PTCHD4: variants seen among roughly 807,000 people sequenced by gnomAD.
PTCHD4 encodes the protein patched domain containing 4, also known as patched domain-containing protein 4.
Under a neutral mutation model 58.1 loss-of-function variants are expected in PTCHD4, and 33 were observed. The ratio of observed to expected loss-of-function variants is 0.57; its 90% CI spans 0.43 to 0.76. PTCHD4 has a LOEUF of 0.76. PTCHD4 is among the 30% of genes least tolerant of loss of function. The probability of loss-of-function intolerance (pLI) is 0.00; values close to 1 mark genes in which losing one functional copy is unlikely to be tolerated. For synonymous variants in PTCHD4, 478 were observed against 409.6 expected, an observed-to-expected ratio of 1.17 and a Z score of -2.02; for missense variants, 1,058 against 1,027.1, an observed-to-expected ratio of 1.03 and a Z score of -0.41.
At chr6:48,030,271 G>A (rs116443997) in intron 3 of PTCHD4, among the ~76,000 whole-genome samples, 2,493 of 152,024 alleles carry the variant, frequency 0.016, 60 homozygotes, top group African/African-American at 0.05. Context: ...TAGAAACAAG[G>A]GTGACTGTAG....
rs1763762951 is a variant in PTCHD4, at chr6:47,873,221, T to C, written c.*5082A>G. ...TGTATTTGCCTATGATCAAGTTTGC[T>C]AGCAGTTGAGAATCTATAGTTTTGC... On this transcript the variant is annotated 3_prime_UTR_variant, in exon 5 of 5. Coordinates refer to ENST00000339488, the MANE Select transcript of PTCHD4 (RefSeq NM_001384253.1). Among the ~76,000 whole-genome samples, 1 of 151,768 alleles carries C rather than the reference T, an allele frequency of 6.6e-6. No individual in the cohort carries two copies. The highest frequency in any genetic ancestry group is 1.5e-5 in the Non-Finnish European group (1 of 67,786).
chr6:48,047,993 T>C (rs1386680017), intron 3 of PTCHD4, among the ~76,000 whole-genome samples: 1 of 146,818 alleles, frequency 6.8e-6, no homozygotes, highest in Non-Finnish European at 1.5e-5. Context: ...TATTGTGTCC[T>C]TAAGATATAA....
At chr6:47,925,009 T>C (rs1389043411) in intron 4 of PTCHD4, among the ~76,000 whole-genome samples, 5 of 149,512 alleles carry the variant, frequency 3.3e-5, no homozygotes, top group Admixed American at 6.7e-5. Context: ...TTAATATATA[T>C]GTATATATGC....
At chr6:48,004,458 A>G (rs1404192333) in intron 4 of PTCHD4, among the ~76,000 whole-genome samples, 1 of 152,196 alleles carries the variant, frequency 6.6e-6, no homozygotes, top group Non-Finnish European at 1.5e-5. Flanking sequence ...ATATTAGCCC[A>G]TATTTCTTCT....
rs987248773 is a variant in PTCHD4 at position 48,007,236 on chromosome 6, TC to T, written c.898+1397del. ...GCCTGGAAGACAGAGCGAGACTCTGTCCCCCCAAAAAAAAGAAAAGAAAAAA... is the reference window on the plus strand; with the variant it reads ...GCCTGGAAGACAGAGCGAGACTCTGTCCCCCAAAAAAAAGAAAAGAAAAAA... On this transcript the variant is annotated intron_variant, in intron 4 of 4. Coordinates refer to ENST00000339488, the MANE Select transcript of PTCHD4 (RefSeq NM_001384253.1). Among the ~76,000 whole-genome samples, 11 of 149,798 alleles carry T rather than the reference TC, an allele frequency of 7.3e-5. No individual in the cohort carries two copies. The South Asian group carries it at 1.9e-3, about 26-fold the overall frequency.
chr6:48,061,093 G>A (rs1415429986), intron 3 of PTCHD4, among the ~76,000 whole-genome samples: 1 of 152,198 alleles, frequency 6.6e-6, no homozygotes, highest in Non-Finnish European at 1.5e-5. Flanking sequence ...ATACTCCCAT[G>A]TATGGTTCCC....
chr6:47,971,692 C>T (rs993748693), intron 4 of PTCHD4, among the ~76,000 whole-genome samples: 1 of 152,150 alleles, frequency 6.6e-6, no homozygotes, highest in Non-Finnish European at 1.5e-5. Context: ...TCCTATGCTT[C>T]CTTCCTCAGA....
chr6:47,939,882 G>T (rs190855159), intron 4 of PTCHD4, among the ~76,000 whole-genome samples: 21 of 152,078 alleles, frequency 1.4e-4, no homozygotes, highest in Admixed American at 2.6e-4. Context: ...CCCCTATGTT[G>T]CCCTGAAACT....
At chr6:47,999,676 C>A (rs1768645163) in intron 4 of PTCHD4, among the ~76,000 whole-genome samples, 1 of 152,146 alleles carries the variant, frequency 6.6e-6, no homozygotes. Context: ...TACTGACCCA[C>A]AGAATCCATG....
At chr6:48,088,510 T>A (rs1399896759) in intron 1 of PTCHD4, among the ~76,000 whole-genome samples, 1 of 152,150 alleles carries the variant, frequency 6.6e-6, no homozygotes, top group Non-Finnish European at 1.5e-5. Flanking sequence ...TGAATGCTCC[T>A]AAATTTGGAT....
intron 4 of PTCHD4, among the ~76,000 whole-genome samples, chr6:47,999,281 C>G (rs138165226): frequency 1.3e-5 from 2 of 152,166 alleles, no homozygotes. Flanking sequence ...CTCTAAGCCT[C>G]TAAGCATAAG....
At chr6:47,986,739 C>T (rs1768079308) in intron 4 of PTCHD4, among the ~76,000 whole-genome samples, 1 of 152,276 alleles carries the variant, frequency 6.6e-6, no homozygotes, top group East Asian at 1.9e-4. Flanking sequence ...TATTTTTGAA[C>T]AGTAAATTGT....
chr6:48,066,502 G>T (rs1764802914), intron 3 of PTCHD4, among the ~76,000 whole-genome samples: 1 of 152,108 alleles, frequency 6.6e-6, no homozygotes, highest in Non-Finnish European at 1.5e-5. Flanking sequence ...CAGGTGTTTG[G>T]TATAGGAAAT....
intron 3 of PTCHD4, among the ~76,000 whole-genome samples, chr6:48,048,148 A>G (rs1454109957): frequency 6.6e-6 from 1 of 151,864 alleles, no homozygotes; most frequent in Non-Finnish European, 1.5e-5. Flanking sequence ...GGAGAATTTA[A>G]TGTGGTTTCC....
chr6:47,867,164 G>T lies in PTCHD4; in HGVS notation c.*11139C>A, dbSNP rs1763588895. Among the ~76,000 whole-genome samples, 1 of 151,650 alleles carries T rather than the reference G, an allele frequency of 6.6e-6. No homozygotes were observed. The highest frequency in any genetic ancestry group is 1.5e-5 in the Non-Finnish European group (1 of 67,798). ...TAATATTAACAGAGATAGTTAATTG[G>T]AGTGTATTAGTTTGAGCTGTTTGTT... On this transcript the variant is annotated 3_prime_UTR_variant, in exon 5 of 5. Transcript: ENST00000339488.
intron 4 of PTCHD4, among the ~76,000 whole-genome samples, chr6:47,978,532 C>T (rs1047157749): frequency 7.9e-5 from 12 of 152,094 alleles, no homozygotes; most frequent in Admixed American, 6.6e-5. Context: ...TGTGTTAATT[C>T]GCTTAGAATA....
chr6:47,952,209 C>G lies in PTCHD4; in HGVS notation c.898+56425G>C, dbSNP rs16876861. Among the ~76,000 whole-genome samples, 1,283 of 152,176 alleles carry G rather than the reference C, an allele frequency of 8.4e-3. 13 individuals are homozygous for G. The highest frequency in any genetic ancestry group is 0.032 in the South Asian group (153 of 4,824). On this transcript the variant is annotated intron_variant, in intron 4 of 4. Coordinates refer to ENST00000339488, the MANE Select transcript of PTCHD4 (RefSeq NM_001384253.1). ...TTGATAAAGCATTGATAGTCCATGT[C>G]TATTTTAATGTAAGCTTTTACAATA...
At chr6:47,927,530 G>A (rs58558692) in intron 4 of PTCHD4, among the ~76,000 whole-genome samples, 17 of 152,236 alleles carry the variant, frequency 1.1e-4, no homozygotes. Flanking sequence ...AGTGATACAA[G>A]ATGTGATGAA....
chr6:48,028,560 G>GT (rs1230159092), intron 3 of PTCHD4, among the ~76,000 whole-genome samples: 1 of 151,910 alleles, frequency 6.6e-6, no homozygotes, highest in East Asian at 1.9e-4. Flanking sequence ...ACTACAATTT[G>GT]TTTTTTTCTC....
Sources: gnomAD v4.1 joint callset for allele counts (sites outside exome capture counted in the v4.1 genomes callset) on GRCh38, gnomAD v4.1.1 for gene constraint, MANE v1.5 for transcripts, NCBI Gene and HGNC (gene_info 2026-07-23, HGNC 2026-07-21) for gene names.